The following TTN variants were observed in gnomAD, a reference collection of about 807,000 sequenced individuals.
The protein encoded by TTN is connectin.
TTN carries 1,525 observed loss-of-function variants against 3,223.0 expected under a neutral mutation model. That is an observed-to-expected ratio of 0.47 (90% confidence interval 0.45 to 0.49). The LOEUF (loss-of-function observed/expected upper bound fraction) is 0.49. Among genes scored for constraint, TTN ranks in the 20% least tolerant of loss-of-function variants. TTN has a pLI of 0.00. For missense variants in TTN, 40,786 were observed against 43,424.0 expected (o/e 0.94, Z 5.40); for synonymous variants, 14,094 against 15,161.0 (o/e 0.93, Z 5.17).
Position 178,566,931 on chromosome 2 carries a change from C to A in TTN, c.79201G>T (p.Asp26401Tyr), listed in dbSNP as rs1427205421. 1.2e-6 allele frequency: 2 copies of A among 1,613,638 alleles called. No individual in the cohort carries two copies. The highest frequency in any genetic ancestry group is 1.7e-6 in the Non-Finnish European group (2 of 1,179,676). The change falls in exon 326 of 363, where the codon GAC becomes TAC. Residue 26401 changes from aspartate (D) to tyrosine (Y), a missense_variant. By Grantham distance (160) the Asp-to-Tyr change is radical (BLOSUM62 -3). Coordinates refer to ENST00000589042, the MANE Select transcript of TTN (RefSeq NM_001267550.2). Reference sequence around the variant, plus strand: ...CGGTTCCAACAGACGGTCATGGAGTCTTTGGCAATATTTGTGACTTCCAAG... The same window carrying A: ...CGGTTCCAACAGACGGTCATGGAGTATTTGGCAATATTTGTGACTTCCAAG... ...KSLEVTNIAK[D>Y]SMTVCWNRPD...
At chr2:178,684,287 T>C (rs776714845) in intron 132 of TTN, 43 bp downstream of exon 132, 12 of 1,589,648 alleles carry the variant, frequency 7.5e-6, no homozygotes, top group Non-Finnish European at 1.0e-5. Context: ...GTAAAGAGAG[T>C]AGGGCAAGTA....
chr2:178,741,822 G>C lies in TTN; in HGVS notation c.11411C>G (p.Ser3804Cys). Residue 3804 changes from serine (S) to cysteine (C), a missense_variant, in exon 48 of 363, where the codon TCT becomes TGT. Transcript: ENST00000589042. ...ATCAAATTTAGTTGGGTAAACTGGA[G>C]ATTCAGACAAAAGTTCAAGTGTTTC... ...INETLELLSE[S>C]PVYPTKFDSE... 6.2e-7 allele frequency: 1 copy of C among 1,612,264 alleles called. No individual in the cohort carries two copies. The highest frequency in any genetic ancestry group is 8.5e-7 in the Non-Finnish European group (1 of 1,179,130).
chr2:178,745,914 A>G (rs1369276380), intron 47 of TTN: 1 of 1,609,856 alleles, frequency 6.2e-7, no homozygotes, highest in Admixed American at 1.7e-5. Flanking sequence ...TTGCTCTTTA[A>G]GACCAATTCT....
chr2:178,675,636 T>G (rs2067916023), intron 149 of TTN, 35 bp downstream of exon 149: 1 of 1,374,168 alleles, frequency 7.3e-7, no homozygotes. Flanking sequence ...TCAACATCGG[T>G]GCAGCAAACA....
At position 178,728,937 on chromosome 2, in the gene TTN, C is replaced by A. The variant is rs769617600; in HGVS notation, c.19101G>T (p.Lys6367Asn). The A allele has an allele frequency of 1.2e-5, 19 of 1,611,700 alleles. No individual in the cohort carries two copies. The highest frequency in any genetic ancestry group is 1.7e-5 in the Admixed American group (1 of 59,836). The change falls in exon 65 of 363, where the codon AAG becomes AAT. Residue 6367 changes from lysine to asparagine, a missense_variant. By Grantham distance (94) the Lys-to-Asn change is moderately conservative. Transcript: ENST00000589042. ...GHSGRYTCQAKNESGVERCYA... is the reference protein window; with the variant it reads ...GHSGRYTCQANNESGVERCYA... ...AACACCTCTCAACTCCTGACTCATT[C>A]TTGGCTTGACAGGTATATCTCCCAC...
rs866054443 is a variant in TTN at position 178,785,852 on chromosome 2, G to A, written c.2366C>T (p.Ser789Leu). The A allele has an allele frequency of 1.9e-6, 3 of 1,614,128 alleles. No homozygotes were observed. The highest frequency in any genetic ancestry group is 2.5e-6 in the Non-Finnish European group (3 of 1,180,006). ...AATCAGCAGGTATAGACTCACCTGT[G>A]ATGATATGTGCATTCCCTTTTGATC... The part of the protein sequence containing the change: ...TTDQKGMHIS[S>L]QIKKTTDLTT... Residue 789 changes from serine (S) to leucine (L), a missense_variant, in exon 14 of 363, where the codon TCA (serine) becomes TTA (leucine). Ser to Leu is a moderately radical substitution (Grantham distance 145, BLOSUM62 -2). Transcript: ENST00000589042.
Position 178,579,790 on chromosome 2 carries a change from G to A in TTN, c.67407C>T (p.Ser22469=). ...CACTGTGAGGCTTTTTCCAGCCAAT[G>A]CTACAGGATGACTTAGATACAGACC... ...KVRSVSKSSC[S]IGWKKPHSDG... The change falls in exon 319 of 363, where the codon AGC becomes AGT. Residue 22469 remains serine, a synonymous_variant. Coordinates refer to ENST00000589042, the MANE Select transcript of TTN (RefSeq NM_001267550.2). 1 of 1,613,300 alleles carries A rather than the reference G, an allele frequency of 6.2e-7. No homozygotes were observed. The highest frequency in any genetic ancestry group is 8.5e-7 in the Non-Finnish European group (1 of 1,179,488).
Position 178,557,048 on chromosome 2 carries a change from C to A in TTN, c.88106G>T (p.Gly29369Val), listed in dbSNP as rs55898359. 3.1e-5 allele frequency: 50 copies of A among 1,613,738 alleles called. No individual in the cohort carries two copies. In the East Asian group the frequency reaches 9.2e-4, roughly 30 times the overall value. The stretch of plus-strand genomic sequence containing the variant: ...AAGGTCACGTCTCTCAACAATGTAG[C>A]CTGTAATCTTGCTACCTCCATCGAA... ...PAFDGGSKIT[G>V]YIVERRDLPD... Residue 29369 changes from glycine to valine, a missense_variant, in exon 330 of 363, where the codon GGC becomes GTC. Gly to Val is a moderately radical substitution (Grantham distance 109, BLOSUM62 -3). Transcript: ENST00000589042.
Position 178,718,841 on chromosome 2 carries a change from G to A in TTN, c.24359C>T (p.Pro8120Leu). The A allele has an allele frequency of 5.6e-6, 9 of 1,613,652 alleles. No homozygotes were observed. The highest frequency in any genetic ancestry group is 7.6e-6 in the Non-Finnish European group (9 of 1,179,716). The change falls in exon 84 of 363, where the codon CCT (proline) becomes CTT (leucine). Residue 8120 changes from proline to leucine, a missense_variant. Transcript: ENST00000589042. ...CAGAGAGATGTTGCATGACTCCCCA[G>A]GCACCAGTTCCCTGCTGCCTTTAAA... ...KWFKGSRELV[P>L]GESCNISLED...
chr2:178,612,124 C>T lies in TTN; in HGVS notation c.50287G>A (p.Val16763Met), dbSNP rs927015538. Residue 16763 changes from valine (V) to methionine (M), a missense_variant, in exon 267 of 363, where the codon GTG becomes ATG. Physicochemically the swap from Val to Met is conservative, Grantham distance 21. Transcript: ENST00000589042. Reference protein sequence around the residue: ...GPPYALAVVDVTKRHVDLKWE... With the variant: ...GPPYALAVVDMTKRHVDLKWE... ...TTTAGGTCAACATGTCGTTTTGTCA[C>T]ATCAACCACTGCCAGGGCGTAGGGT... The T allele has an allele frequency of 1.2e-6, 2 of 1,611,992 alleles. No individual in the cohort carries two copies. The highest frequency in any genetic ancestry group is 3.3e-5 in the Admixed American group (2 of 59,842).
chr2:178,652,707 C>T lies in TTN; in HGVS notation c.38989G>A (p.Glu12997Lys), dbSNP rs1373648667. The T allele has an allele frequency of 4.3e-6, 7 of 1,613,158 alleles. No individual in the cohort carries two copies. The Admixed American group carries it at 8.3e-5, about 19-fold the overall frequency. The part of the protein sequence containing the change: ...VPEAPKEVVP[E>K]KKVPSAPPKK... ...GGAGGAGCCGAGGGCACTTTCTTTT[C>T]AGGAACAACCTCTTTGGGAGCCTCT... Residue 12997 changes from glutamate to lysine, a missense_variant, in exon 201 of 363, where the codon GAA becomes AAA. Glu to Lys is a moderately conservative substitution (Grantham distance 56). Coordinates refer to ENST00000589042, the MANE Select transcript of TTN (RefSeq NM_001267550.2).
Position 178,664,052 on chromosome 2 carries a change from C to T in TTN, c.36327G>A (p.Val12109=). ...KEIIPEKKVS[V]VPPKKPEVPP... ...GGACTTCAGGCTTTTTAGGAGGCAC[C>T]ACCGACACTTTCTTTTCAGGGATAA... is the stretch of plus-strand genomic sequence containing the variant. Residue 12109 remains valine, a synonymous_variant, in exon 169 of 363, where the codon GTG becomes GTA. Coordinates refer to ENST00000589042, the MANE Select transcript of TTN (RefSeq NM_001267550.2). 4.3e-6 allele frequency: 7 copies of T among 1,613,116 alleles called. No individual in the cohort carries two copies. Among genetic ancestry groups the T allele is most frequent in the Non-Finnish European group, 5.9e-6 (7 of 1,179,732 alleles).
In TTN at chr2:178,547,908, T is replaced by C. The variant is rs757914126; in HGVS notation, c.93718A>G (p.Ser31240Gly). Residue 31240 changes from serine (S) to glycine (G), a missense_variant, in exon 339 of 363, where the codon AGT becomes GGT. Ser to Gly is a moderately conservative substitution (Grantham distance 56). Transcript: ENST00000589042. Reference sequence around the variant, plus strand: ...GTTACTTTGGGGGCAGGACGACCACTGATTGGTACGTCAATGGTAAATGGG... The same window carrying C: ...GTTACTTTGGGGGCAGGACGACCACCGATTGGTACGTCAATGGTAAATGGG... Reference protein sequence around the residue: ...GSPFTIDVPISGRPAPKVTWK... With the variant: ...GSPFTIDVPIGGRPAPKVTWK... 1 of 1,613,870 alleles carries C rather than the reference T, an allele frequency of 6.2e-7. No homozygotes were observed. The highest frequency in any genetic ancestry group is 1.1e-5 in the South Asian group (1 of 91,084).
chr2:178,773,403 G>A (rs1421741924), intron 32 of TTN, 34 bp from the exon 33 acceptor site: 3 of 1,613,842 alleles, frequency 1.9e-6, no homozygotes, highest in Non-Finnish European at 2.5e-6. Flanking sequence ...CTTGGTTATT[G>A]TTACACTGGG....
chr2:178,556,465 A>AAAAC (rs1321067938), intron 330 of TTN: 2 of 223,404 alleles, frequency 9.0e-6, no homozygotes, highest in African/African-American at 2.4e-5. Flanking sequence ...CAAAAAAAAA[A>AAAAC]AAACCAAAAA....
Position 178,779,568 on chromosome 2 carries a change from G to A in TTN, c.3730-106C>T, listed in dbSNP as rs1469408965. ...CTGTTGAAGTTTTTAGCTGGGAGAAGAATCTAGAGGACTTTTTGGTTTGTT... is the reference window on the plus strand; with the variant it reads ...CTGTTGAAGTTTTTAGCTGGGAGAAAAATCTAGAGGACTTTTTGGTTTGTT... On this transcript the variant is annotated intron_variant, in intron 22 of 362. Coordinates refer to ENST00000589042, the MANE Select transcript of TTN (RefSeq NM_001267550.2). 4 of 760,864 alleles carry A rather than the reference G, an allele frequency of 5.3e-6. No individual in the cohort carries two copies. The African/African-American group carries it at 7.1e-5, about 13-fold the overall frequency. The allele number at this position is 760,864 out of a possible 1,614,324, so 47.1% of individuals were successfully genotyped here.
chr2:178,679,779 C>G (rs1330607979), intron 140 of TTN, 97 bp from the exon 141 acceptor site: 1 of 1,538,030 alleles, frequency 6.5e-7, no homozygotes, highest in African/African-American at 1.4e-5. Context: ...CTAAAAATAT[C>G]TGCTTTAAAG....
Position 178,537,439 on chromosome 2 carries a change from C to A in TTN, c.99768G>T (p.Met33256Ile), listed in dbSNP as rs752102823. 3.1e-6 allele frequency: 5 copies of A among 1,612,964 alleles called. No homozygotes were observed. The Admixed American group carries it at 8.3e-5, about 27-fold the overall frequency. Residue 33256 changes from methionine (M) to isoleucine (I), a missense_variant, in exon 355 of 363, where the codon ATG becomes ATT. By Grantham distance (10) the Met-to-Ile change is conservative (BLOSUM62 1). Coordinates refer to ENST00000589042, the MANE Select transcript of TTN (RefSeq NM_001267550.2). ...CATGAGTCTTACGTTGGACATTCTTCATGACAAGATGAGTATAGTGCTCAG... is the reference window on the plus strand; with the variant it reads ...CATGAGTCTTACGTTGGACATTCTTAATGACAAGATGAGTATAGTGCTCAG... Reference protein sequence around the residue: ...ENTEHYTHLVMKNVQRKTHAG... With the variant: ...ENTEHYTHLVIKNVQRKTHAG...
At position 178,611,062 on chromosome 2, in the gene TTN, C is replaced by A; in HGVS notation, c.51067G>T (p.Gly17023Ter). 6.2e-7 allele frequency: 1 copy of A among 1,612,800 alleles called. No individual in the cohort carries two copies. Among genetic ancestry groups the A allele is most frequent in the Non-Finnish European group, 8.5e-7 (1 of 1,179,176 alleles). ...TTCTCCAGTGTAATGGTATAAATTC[C>A]GGCATCTGCACGGACACTCTTGGGA... is the stretch of plus-strand genomic sequence containing the variant. ...EVPKSVRADA[G>*]IYTITLENKL... Residue 17023 changes from glycine to a stop codon, truncating the protein, a stop_gained, in exon 270 of 363, where the codon GGA becomes TGA. Transcript: ENST00000589042. LOFTEE classifies it high-confidence loss of function.
Sources: allele counts gnomAD v4.1 joint callset, GRCh38; gene constraint gnomAD v4.1.1; transcripts MANE v1.5; gene names NCBI Gene and HGNC (gene_info 2026-07-23, HGNC 2026-07-21).